Variants in EYS observed in about 807,000 individuals in gnomAD.
EYS encodes the protein protein eyes shut homolog.
A neutral mutation model predicts 282.1 loss-of-function variants in EYS; 250 were observed. That is an observed-to-expected ratio of 0.89 (90% CI 0.80 to 0.98). The LOEUF (loss-of-function observed/expected upper bound fraction) is 0.98. Among genes scored for constraint, EYS ranks in the 50% least tolerant of loss-of-function variants. The pLI, the probability that EYS is intolerant of heterozygous loss-of-function variation, is 0.00. For synonymous variants in EYS, 1,355 were observed against 1,282.9 expected, an observed-to-expected ratio of 1.06 and a Z score of -1.20; for missense variants, 4,016 against 3,709.0, an observed-to-expected ratio of 1.08 and a Z score of -2.15.
At chr6:64,303,733 C>T (rs954685460) in intron 30 of EYS, among the ~76,000 whole-genome samples, 7 of 149,204 alleles carry the variant, frequency 4.7e-5, no homozygotes, top group East Asian at 2.0e-4. Flanking sequence ...CCCAGCTACA[C>T]GGGAGGCTGA....
At chr6:64,422,944 A>G (rs1263294095) in intron 28 of EYS, among the ~76,000 whole-genome samples, 2 of 151,074 alleles carry the variant, frequency 1.3e-5, no homozygotes, top group Non-Finnish European at 3.0e-5. Context: ...CATGTCTATT[A>G]GGACTATAGG....
At chr6:64,945,083 T>C (rs140525044) in intron 15 of EYS, among the ~76,000 whole-genome samples, 307 of 147,964 alleles carry the variant, frequency 2.1e-3, no homozygotes, top group African/African-American at 7.6e-3. Context: ...GTCCTTGGTA[T>C]GCTGAGTGCC....
intron 2 of EYS, among the ~76,000 whole-genome samples, chr6:65,574,732 A>G (rs888771685): frequency 2.6e-5 from 4 of 152,132 alleles, no homozygotes. Flanking sequence ...CAGTAAGGAA[A>G]CATCGGACTT....
chr6:65,046,748 A>G (rs545916608), intron 13 of EYS, among the ~76,000 whole-genome samples: 13 of 152,018 alleles, frequency 8.6e-5, no homozygotes, highest in African/African-American at 3.1e-4. Context: ...GAAAAGTTTT[A>G]TACTCTCTGA....
intron 31 of EYS, among the ~76,000 whole-genome samples, chr6:64,121,052 C>T (rs553237549): frequency 6.6e-6 from 1 of 152,256 alleles, no homozygotes; most frequent in Admixed American, 6.5e-5. Flanking sequence ...AGGTCACCTG[C>T]AGTTCTTTGC....
Position 65,442,790 on chromosome 6 carries a change from A to C in EYS, c.863-37423T>G, listed in dbSNP as rs1304152666. 2.0e-5 allele frequency among the ~76,000 whole-genome samples: 3 copies of C among 149,348 alleles called. 1 individual carries two copies. Among genetic ancestry groups the C allele is most frequent in the Non-Finnish European group, 4.5e-5 (3 of 66,960 alleles). ...ATAAAAAATAAAAAATTAAAAAAAA[A>C]TATATAGACACACACACATGCATAT... On this transcript the variant is annotated intron_variant, in intron 5 of 42. Coordinates refer to ENST00000503581, the MANE Select transcript of EYS (RefSeq NM_001142800.2).
intron 31 of EYS, among the ~76,000 whole-genome samples, chr6:64,115,963 T>C (rs539689856): frequency 6.6e-6 from 1 of 152,166 alleles, no homozygotes; most frequent in Admixed American, 6.5e-5. Flanking sequence ...TAATAAGCTC[T>C]TTAAGAAAGC....
chr6:63,861,859 G>A (rs1382965959), intron 36 of EYS, among the ~76,000 whole-genome samples: 2 of 152,158 alleles, frequency 1.3e-5, no homozygotes, highest in Non-Finnish European at 2.9e-5. Flanking sequence ...CTTTGATCTT[G>A]AACTTTCCAG....
At chr6:65,116,601 G>A (rs573558259) in intron 12 of EYS, among the ~76,000 whole-genome samples, 1 of 152,116 alleles carries the variant, frequency 6.6e-6, no homozygotes, top group African/African-American at 2.4e-5. Flanking sequence ...CCTGACCAAG[G>A]CTGTTTCTGT....
chr6:63,890,931 A>G lies in EYS; in HGVS notation c.7056-26573T>C, dbSNP rs186975227. On this transcript the variant is annotated intron_variant, in intron 35 of 42. Coordinates refer to ENST00000503581, the MANE Select transcript of EYS (RefSeq NM_001142800.2). The stretch of plus-strand genomic sequence containing the variant: ...ATCACCACTGATCCCACAGAAATAC[A>G]AACTACCATCAGAGAATACTATAAA... 6.4e-3 allele frequency among the ~76,000 whole-genome samples: 971 copies of G among 152,372 alleles called. 5 individuals carry two copies. The highest frequency in any genetic ancestry group is 9.8e-3 in the Non-Finnish European group (668 of 68,038).
intron 1 of EYS, among the ~76,000 whole-genome samples, chr6:65,687,618 A>G (rs7754201): frequency 1.3e-5 from 2 of 152,030 alleles, no homozygotes; most frequent in Non-Finnish European, 2.9e-5. Context: ...AGGGCATTCA[A>G]TTAGGAAAAG....
At chr6:65,464,135 T>G (rs1034241273) in intron 5 of EYS, among the ~76,000 whole-genome samples, 6 of 152,198 alleles carry the variant, frequency 3.9e-5, no homozygotes, top group African/African-American at 1.2e-4. Flanking sequence ...CTTATGCAAT[T>G]ACGCGGTCCC....
At chr6:64,138,636 C>G (rs1020933660) in intron 31 of EYS, among the ~76,000 whole-genome samples, 1 of 152,024 alleles carries the variant, frequency 6.6e-6, no homozygotes, top group Non-Finnish European at 1.5e-5. Flanking sequence ...TGATTTAGAA[C>G]CACTGTCCCA....
intron 1 of EYS, among the ~76,000 whole-genome samples, chr6:65,657,619 A>AT (rs1767871866): frequency 6.6e-6 from 1 of 151,850 alleles, no homozygotes. Flanking sequence ...CTTTTTATGG[A>AT]TGAGCAAATA....
intron 10 of EYS, among the ~76,000 whole-genome samples, chr6:65,339,177 A>T (rs1372292202): frequency 6.6e-6 from 1 of 151,220 alleles, no homozygotes; most frequent in African/African-American, 2.4e-5. Context: ...CCTTAAAATA[A>T]TATCTGTCAA....
intron 2 of EYS, among the ~76,000 whole-genome samples, chr6:65,555,405 A>T (rs747501795): frequency 2.4e-4 from 37 of 152,280 alleles, no homozygotes; most frequent in South Asian, 6.2e-4. Flanking sequence ...ATGACTGCTT[A>T]AATGATCTAT....
At chr6:64,329,427 C>T (rs184598971) in intron 29 of EYS, among the ~76,000 whole-genome samples, 1 of 152,198 alleles carries the variant, frequency 6.6e-6, no homozygotes, top group Non-Finnish European at 1.5e-5. Context: ...CATAATGACG[C>T]TTACTGTCCC....
chr6:65,114,316 T>C (rs1009219368), intron 12 of EYS, among the ~76,000 whole-genome samples: 6 of 134,888 alleles, frequency 4.4e-5, no homozygotes, highest in African/African-American at 1.9e-4. Context: ...TTATAGAATA[T>C]CATATTTTTT....
At position 64,131,163 on chromosome 6, in the gene EYS, G is replaced by A. The variant is rs75696384; in HGVS notation, c.6425-49161C>T. 4.3e-4 allele frequency among the ~76,000 whole-genome samples: 65 copies of A among 152,182 alleles called. 1 individual carries two copies. In the East Asian group the frequency reaches 7.0e-3, roughly 16 times the overall value. On this transcript the variant is annotated intron_variant, in intron 31 of 42. Transcript: ENST00000503581. ...ATTACAGGCATGAGCCACTGGACCCGGTGTGAATTTTTAATTCTCATGATT... is the reference window on the plus strand; with the variant it reads ...ATTACAGGCATGAGCCACTGGACCCAGTGTGAATTTTTAATTCTCATGATT...
Sources: gnomAD v4.1 joint callset for allele counts (sites outside exome capture counted in the v4.1 genomes callset) on GRCh38, gnomAD v4.1.1 for gene constraint, MANE v1.5 for transcripts, NCBI Gene and HGNC (gene_info 2026-07-23, HGNC 2026-07-21) for gene names.